Variants in EPM2A observed in about 807,000 individuals in gnomAD.
EPM2A encodes laforin.
EPM2A carries 21 observed loss-of-function variants against 26.5 expected under a neutral mutation model. That is an observed-to-expected ratio of 0.79 (90% CI 0.56 to 1.14). The LOEUF is 1.14. EPM2A is among the 50% of genes most tolerant of loss of function. EPM2A has a pLI of 0.00. For synonymous variants in EPM2A, 217 were observed against 177.6 expected (o/e 1.22, Z -1.76); for missense variants, 458 against 440.8 (o/e 1.04, Z -0.35).
chr6:145,708,926 G>C (rs1358078052), intron 1 of EPM2A, among the ~76,000 whole-genome samples: 4 of 152,138 alleles, frequency 2.6e-5, no homozygotes, highest in Non-Finnish European at 5.9e-5. Flanking sequence ...AGTGTGACCT[G>C]GATGTGAGAT....
At position 145,493,803 on chromosome 6, in the gene EPM2A, A is replaced by G. The variant is rs1293808501; in HGVS notation, c.555+8719T>C. On this transcript the variant is annotated intron_variant, in intron 4 of 4. Transcript: ENST00000638717. ...GAATCACATTAATTGATTTGTGTAT[A>G]TTGAACCAACCTTGCATCCCAAGGA... is the stretch of plus-strand genomic sequence containing the variant. Among the ~76,000 whole-genome samples the G allele has an allele frequency of 2.0e-5, 3 of 152,310 alleles. No homozygotes were observed. The East Asian group carries it at 5.8e-4, about 29-fold the overall frequency.
At chr6:145,609,511 G>A (rs1274063676) in intron 2 of EPM2A, among the ~76,000 whole-genome samples, 1 of 152,190 alleles carries the variant, frequency 6.6e-6, no homozygotes, top group Non-Finnish European at 1.5e-5. Context: ...GCTGATTCTT[G>A]TGGGAAAGAT....
rs373040158 is a variant in EPM2A at position 145,554,207 on chromosome 6, A to G, written c.341-51632T>C. On this transcript the variant is annotated intron_variant, in intron 2 of 3. Coordinates refer to the EPM2A transcript ENST00000450221. ...AAACATCCCCTAACGATGGAAGTACAGAATGACACTTTCTATGGTGAATAC... is the reference window on the plus strand; with the variant it reads ...AAACATCCCCTAACGATGGAAGTACGGAATGACACTTTCTATGGTGAATAC... Among the ~76,000 whole-genome samples, 15 of 152,156 alleles carry G rather than the reference A, an allele frequency of 9.9e-5. 1 individual carries two copies. The highest frequency in any genetic ancestry group is 3.6e-4 in the African/African-American group (15 of 41,532).
chr6:145,503,082 C>T (rs1582804792), intron 2 of EPM2A, among the ~76,000 whole-genome samples: 3 of 152,284 alleles, frequency 2.0e-5, no homozygotes, highest in Middle Eastern at 3.4e-3. Context: ...TGCTAATCTA[C>T]AGACTATCAT....
At chr6:145,721,240 C>T (rs1017699072) in intron 1 of EPM2A, 1 of 152,168 alleles carries the variant, frequency 6.6e-6, no homozygotes, top group Non-Finnish European at 1.5e-5. Flanking sequence ...ACGCTACATT[C>T]ATGTGGCATT....
chr6:145,387,255 A>G (rs1778275098), intron 4 of EPM2A, among the ~76,000 whole-genome samples: 1 of 152,168 alleles, frequency 6.6e-6, no homozygotes, highest in African/African-American at 2.4e-5. Flanking sequence ...ACACACTGAG[A>G]CAAAGACCTT....
At chr6:145,387,301 T>C (rs1038136970) in intron 4 of EPM2A, among the ~76,000 whole-genome samples, 1 of 152,146 alleles carries the variant, frequency 6.6e-6, no homozygotes, top group African/African-American at 2.4e-5. Context: ...ACATTAATGA[T>C]GAGGGTTCTG....
At chr6:145,561,742 T>TTA (rs1780807707) in intron 2 of EPM2A, among the ~76,000 whole-genome samples, 1 of 152,164 alleles carries the variant, frequency 6.6e-6, no homozygotes, top group Admixed American at 6.5e-5. Context: ...AATCATGAGA[T>TTA]GAATTAAAGT....
chr6:145,489,562 C>T, intron 4 of EPM2A: 1 of 758,516 alleles, frequency 1.3e-6, no homozygotes, highest in South Asian at 1.9e-5. Context: ...AGCTTAAGGA[C>T]AGTCATACTG....
intron 2 of EPM2A, among the ~76,000 whole-genome samples, chr6:145,521,125 G>T (rs1780196621): frequency 1.3e-5 from 2 of 152,170 alleles, no homozygotes; most frequent in African/African-American, 4.8e-5. Flanking sequence ...TTCAACAGGA[G>T]TGTGGAGACT....
At chr6:145,639,506 C>G (rs891130932) in intron 2 of EPM2A, 1 of 152,140 alleles carries the variant, frequency 6.6e-6, no homozygotes, top group Non-Finnish European at 1.5e-5. Flanking sequence ...GCAGCAGATT[C>G]CAGAACCACC....
At chr6:145,472,437 G>A (rs116855788) in intron 4 of EPM2A, among the ~76,000 whole-genome samples, 1 of 149,174 alleles carries the variant, frequency 6.7e-6, no homozygotes, top group Non-Finnish European at 1.5e-5. Context: ...ATAGCCACGG[G>A]GGGTAGAGTA....
chr6:145,493,099 T>C (rs1257107303), intron 4 of EPM2A, among the ~76,000 whole-genome samples: 4 of 152,188 alleles, frequency 2.6e-5, no homozygotes, highest in African/African-American at 9.6e-5. Flanking sequence ...CCCCTCCATT[T>C]CCCCACAAGA....
chr6:145,457,293 G>A (rs577740551), intron 4 of EPM2A, among the ~76,000 whole-genome samples: 5 of 152,036 alleles, frequency 3.3e-5, no homozygotes, highest in African/African-American at 7.2e-5. Flanking sequence ...TTGGGAGCCA[G>A]GCCAACATGG....
At chr6:145,660,075 TA>T (rs1255945411) in intron 2 of EPM2A, among the ~76,000 whole-genome samples, 4 of 152,188 alleles carry the variant, frequency 2.6e-5, no homozygotes, top group Non-Finnish European at 5.9e-5. Flanking sequence ...TCTGAAAAAT[TA>T]TCTTTTAACA....
intron 4 of EPM2A, among the ~76,000 whole-genome samples, chr6:145,396,385 AC>A (rs1464591355): frequency 6.6e-6 from 1 of 152,196 alleles, no homozygotes; most frequent in African/African-American, 2.4e-5. Flanking sequence ...ATTAGATAAA[AC>A]AAAATTGTTC....
In EPM2A at chr6:145,625,338, G is replaced by A. The variant is rs1047293065; in HGVS notation, c.*2078C>T. On this transcript the variant is annotated 3_prime_UTR_variant, in exon 4 of 4. Coordinates refer to ENST00000367519, the MANE Select transcript of EPM2A (RefSeq NM_005670.4). Reference sequence around the variant, plus strand: ...AATGCTTTTATTTGCCAAAAGTTTTGGGTGATTTTGAAATACATTAGACAT... The same window carrying A: ...AATGCTTTTATTTGCCAAAAGTTTTAGGTGATTTTGAAATACATTAGACAT... 1 of 183,716 alleles carries A rather than the reference G, an allele frequency of 5.4e-6. No individual in the cohort carries two copies. The highest frequency in any genetic ancestry group is 1.1e-5 in the Non-Finnish European group (1 of 87,960). 11.4% of individuals were successfully genotyped at this position (183,716 alleles called of 1,614,324 possible).
intron 2 of EPM2A, among the ~76,000 whole-genome samples, chr6:145,508,799 A>C (rs1662579898): frequency 6.6e-6 from 1 of 152,242 alleles, no homozygotes; most frequent in South Asian, 2.1e-4. Flanking sequence ...ATGGCAAAGA[A>C]ACTCAACAAG....
At chr6:145,543,167 AT>A (rs1162502236) in intron 2 of EPM2A, among the ~76,000 whole-genome samples, 3 of 152,190 alleles carry the variant, frequency 2.0e-5, no homozygotes, top group African/African-American at 7.2e-5. Flanking sequence ...GATGAGCAAT[AT>A]GGCCTTAAAA....
Sources: gnomAD v4.1 joint callset for allele counts (sites outside exome capture counted in the v4.1 genomes callset) on GRCh38, gnomAD v4.1.1 for gene constraint, MANE v1.5 for transcripts, NCBI Gene and HGNC (gene_info 2026-07-23, HGNC 2026-07-21) for gene names.